The following PCDH11Y variants were observed in gnomAD, a reference collection of about 807,000 sequenced individuals.
PCDH11Y encodes the protein protocadherin-11 Y-linked.
For synonymous variants in PCDH11Y, 9 were observed against 83.6 expected, an observed-to-expected ratio of 0.11 and a Z score of 4.87; for missense variants, 12 against 224.8, an observed-to-expected ratio of 0.05 and a Z score of 6.05.
At chrY:5,048,961 T>A in intron 3 of PCDH11Y, among the ~76,000 whole-genome samples, 1 of 31,625 alleles carries the variant, frequency 3.2e-5, no homozygotes, top group Non-Finnish European at 7.6e-5. Context: ...CATCATGAAA[T>A]CTTTGCCACT....
At position 5,100,382 on chromosome Y, in the gene PCDH11Y, TCA is replaced by T. The variant is rs749035142; in HGVS notation, c.2808_2809del (p.Leu937ArgfsTer5). The T allele has an allele frequency of 7.6e-6, 3 of 394,102 alleles. No homozygotes were observed. The highest frequency in any genetic ancestry group is 1.1e-5 in the Non-Finnish European group (3 of 281,527). ...GATGTTGACAGTGATGGAAACAGAG[TCA>T]CACTAGACCTTCCTATTGATCTAGA... On this transcript the variant is annotated frameshift_variant, in exon 2 of 2. Transcript: ENST00000215473. LOFTEE classifies it high-confidence loss of function.
intron 3 of PCDH11Y, among the ~76,000 whole-genome samples, chrY:5,562,690 A>G (rs1602943582): frequency 1.6e-4 from 4 of 24,290 alleles, no homozygotes; most frequent in African/African-American, 7.0e-4. Flanking sequence ...GAACCCGGGA[A>G]GCGGAGCTTG....
chrY:5,216,253 C>T (rs2124651782), intron 2 of PCDH11Y, among the ~76,000 whole-genome samples: 1 of 28,983 alleles, frequency 3.5e-5, no homozygotes, highest in Non-Finnish European at 8.2e-5. Context: ...TTTTAGTTTG[C>T]ATTTGTTCAG....
At chrY:5,315,615 G>A in intron 2 of PCDH11Y, among the ~76,000 whole-genome samples, 1 of 33,587 alleles carries the variant, frequency 3.0e-5, no homozygotes, top group South Asian at 6.6e-4. Context: ...AAAGCACCAG[G>A]CTCTTTTGTA....
At chrY:5,525,896 C>A (rs1602938185) in intron 3 of PCDH11Y, among the ~76,000 whole-genome samples, 90 of 30,503 alleles carry the variant, frequency 3.0e-3, no homozygotes, top group African/African-American at 0.01. Flanking sequence ...TAATTATTAC[C>A]TATTATCAAT....
chrY:5,060,727 AG>A (rs2052672889), intron 1 of PCDH11Y, among the ~76,000 whole-genome samples: 1 of 29,974 alleles, frequency 3.3e-5, no homozygotes, highest in Non-Finnish European at 7.8e-5. Context: ...AAAGAGTGAA[AG>A]AAAGAAAAAA....
chrY:5,008,697 A>G (rs2124617719), intron 1 of PCDH11Y, among the ~76,000 whole-genome samples: 1 of 32,247 alleles, frequency 3.1e-5, no homozygotes, highest in South Asian at 7.2e-4. Context: ...CGTATTATCA[A>G]TTTGACTGTA....
exon 2 of PCDH11Y, chrY:5,101,232 G>A (rs1602866778): frequency 6.0e-5 from 11 of 184,649 alleles, no homozygotes; most frequent in Non-Finnish European, 7.3e-5. Flanking sequence ...GAAAAGTGTC[G>A]TTTTCAGATT....
At chrY:5,244,330 G>C (rs2052992898) in intron 2 of PCDH11Y, among the ~76,000 whole-genome samples, 1 of 33,766 alleles carries the variant, frequency 3.0e-5, no homozygotes, top group African/African-American at 1.2e-4. Context: ...GATCTCAGTG[G>C]GGCAGGGCCA....
At chrY:5,521,349 T>A in intron 3 of PCDH11Y, among the ~76,000 whole-genome samples, 2 of 32,092 alleles carry the variant, frequency 6.2e-5, no homozygotes, top group African/African-American at 2.5e-4. Context: ...ATTTTTGTAT[T>A]TTTAGTAGAG....
intron 4 of PCDH11Y, among the ~76,000 whole-genome samples, chrY:5,621,999 C>G (rs2053500710): frequency 3.0e-5 from 1 of 32,828 alleles, no homozygotes; most frequent in Non-Finnish European, 7.4e-5. Flanking sequence ...GATAAATCAT[C>G]AAAAGCAATT....
chrY:5,333,860 CCAGCCTGG>C (rs2053133685), intron 2 of PCDH11Y, among the ~76,000 whole-genome samples: 1 of 32,145 alleles, frequency 3.1e-5, no homozygotes, highest in Non-Finnish European at 7.6e-5. Flanking sequence ...CCACTGCACT[CCAGCCTGG>C]GCAACAGAGG....
intron 2 of PCDH11Y, among the ~76,000 whole-genome samples, chrY:5,460,163 ATCT>A (rs2053301917): frequency 3.0e-5 from 1 of 33,007 alleles, no homozygotes; most frequent in Non-Finnish European, 7.6e-5. Context: ...TAGGTTTTAG[ATCT>A]TCTTTTTCTT....
At chrY:5,269,527 A>G in intron 2 of PCDH11Y, among the ~76,000 whole-genome samples, 1 of 33,343 alleles carries the variant, frequency 3.0e-5, no homozygotes, top group Non-Finnish European at 7.7e-5. Context: ...CATACCCATC[A>G]TTTCTTTCAC....
intron 3 of PCDH11Y, among the ~76,000 whole-genome samples, chrY:5,579,628 T>A: frequency 3.1e-5 from 1 of 32,609 alleles, no homozygotes; most frequent in African/African-American, 1.2e-4. Flanking sequence ...TACACATTAG[T>A]CATATTATAT....
chrY:5,171,632 T>G (rs2124645617), intron 2 of PCDH11Y, among the ~76,000 whole-genome samples: 2 of 34,164 alleles, frequency 5.9e-5, no homozygotes, highest in African/African-American at 2.3e-4. Flanking sequence ...TCCAATACTA[T>G]GCTTTAATTA....
chrY:5,637,306 A>G, intron 4 of PCDH11Y, among the ~76,000 whole-genome samples: 1 of 33,780 alleles, frequency 3.0e-5, no homozygotes, highest in South Asian at 6.5e-4. Flanking sequence ...TAGTTTTTTA[A>G]GTTGAATCTC....
chrY:5,334,302 C>T, intron 2 of PCDH11Y, among the ~76,000 whole-genome samples: 1 of 33,697 alleles, frequency 3.0e-5, no homozygotes, highest in Non-Finnish European at 7.3e-5. Flanking sequence ...CAGAGTCAAA[C>T]CATAAACTAA....
intron 4 of PCDH11Y, among the ~76,000 whole-genome samples, chrY:5,629,552 A>G (rs370394276): frequency 1.2e-4 from 4 of 34,080 alleles, no homozygotes; most frequent in South Asian, 6.4e-4. Flanking sequence ...AAGAGAGACA[A>G]TCTTGCAAAT....
Sources: gnomAD v4.1 joint callset for allele counts (sites outside exome capture counted in the v4.1 genomes callset) on GRCh38, gnomAD v4.1.1 for gene constraint, MANE v1.5 for transcripts, NCBI Gene and HGNC (gene_info 2026-07-23, HGNC 2026-07-21) for gene names.